KIF2A: variants seen among roughly 807,000 people sequenced by gnomAD.
KIF2A encodes the protein kinesin-like protein KIF2A.
KIF2A carries 22 observed loss-of-function variants against 100.2 expected under a neutral mutation model. The ratio of observed to expected loss-of-function variants is 0.22; its 90% CI spans 0.16 to 0.31. The LOEUF (loss-of-function observed/expected upper bound fraction) is 0.31, where lower values mean the gene tolerates loss of function less well. Ranked by LOEUF, KIF2A falls within the 10% of genes least tolerant of loss-of-function variation. The pLI, the probability that KIF2A is intolerant of heterozygous loss-of-function variation, is 1.00. For missense variants in KIF2A, 495 were observed against 898.7 expected, an observed-to-expected ratio of 0.55 and a Z score of 5.74; for synonymous variants, 268 against 285.9, an observed-to-expected ratio of 0.94 and a Z score of 0.63.
chr5:62,379,035 G>A (rs550551531), intron 19 of KIF2A, among the ~76,000 whole-genome samples: 1 of 152,228 alleles, frequency 6.6e-6, no homozygotes, highest in South Asian at 2.1e-4. Flanking sequence ...CAGCACTTTG[G>A]GAGGCCAGGG....
chr5:62,390,850 A>G lies in KIF2A; in HGVS notation c.*5281A>G. 6.3e-7 allele frequency: 1 copy of G among 1,584,988 alleles called. No homozygotes were observed. Among genetic ancestry groups the G allele is most frequent in the Non-Finnish European group, 8.7e-7 (1 of 1,155,312 alleles). On this transcript the variant is annotated 3_prime_UTR_variant, in exon 21 of 21. Coordinates refer to ENST00000407818, the MANE Select transcript of KIF2A (RefSeq NM_001098511.3). The stretch of plus-strand genomic sequence containing the variant: ...GGTGTCACAGTAAAGAAATGTAAAC[A>G]CTTAGGAAAACAAAAATGTAATTAC...
intron 1 of KIF2A, among the ~76,000 whole-genome samples, chr5:62,331,037 A>G (rs1746610370): frequency 6.6e-6 from 1 of 152,240 alleles, no homozygotes; most frequent in Admixed American, 6.5e-5. Context: ...AGCCATTATA[A>G]ACAATCTTAT....
At position 62,308,316 on chromosome 5, in the gene KIF2A, C is replaced by T. The variant is rs1398945743; in HGVS notation, c.64+1780C>T. 5.0e-6 allele frequency: 7 copies of T among 1,388,542 alleles called. No homozygotes were observed. The Admixed American group carries it at 1.2e-4, about 23-fold the overall frequency. 86.0% of individuals were successfully genotyped at this position (1,388,542 alleles called of 1,614,324 possible). ...TTAATGTCATTTTTTTAGGTAAATA[C>T]GAGTTCACAGTATACCAGCAAAAGT... On this transcript the variant is annotated intron_variant, in intron 1 of 20. Transcript: ENST00000407818.
chr5:62,308,643 G>A, intron 1 of KIF2A: 1 of 681,024 alleles, frequency 1.5e-6, no homozygotes, highest in Admixed American at 2.1e-5. Flanking sequence ...TGGACCTGAA[G>A]GACGTTATGT....
In KIF2A at chr5:62,386,996, T is replaced by G. The variant is rs1274730802; in HGVS notation, c.*1427T>G. Among the ~76,000 whole-genome samples, 1 of 152,194 alleles carries G rather than the reference T, an allele frequency of 6.6e-6. No homozygotes were observed. The highest frequency in any genetic ancestry group is 2.4e-5 in the African/African-American group (1 of 41,440). ...TTATTTACTCCAGGGAACTATCAGC[T>G]CCTTCACAGGAGCCAAAGGGGAGCT... On this transcript the variant is annotated 3_prime_UTR_variant, in exon 21 of 21. Transcript: ENST00000407818.
rs1005965636 is a variant in KIF2A at position 62,357,765 on chromosome 5, C to G, written c.709+20C>G. On this transcript the variant is annotated intron_variant, in intron 8 of 20. Coordinates refer to ENST00000407818, the MANE Select transcript of KIF2A (RefSeq NM_001098511.3). ...AAAAAGGTATGGCACTTAATGAGCT[C>G]TAATAAAAGATTGATTTTATCTTAT... The G allele has an allele frequency of 7.2e-7, 1 of 1,387,688 alleles. No homozygotes were observed. The highest frequency in any genetic ancestry group is 1.8e-5 in the Admixed American group (1 of 55,342). The allele number at this position is 1,387,688 out of a possible 1,614,324, so 86.0% of individuals were successfully genotyped here.
At chr5:62,383,468 C>T (rs1415516313) in intron 20 of KIF2A, among the ~76,000 whole-genome samples, 1 of 151,792 alleles carries the variant, frequency 6.6e-6, no homozygotes, top group Non-Finnish European at 1.5e-5. Context: ...TGGTCTCGAT[C>T]TCCTGACCTT....
chr5:62,355,324 T>C, intron 7 of KIF2A, 70 bp downstream of exon 7: 1 of 784,698 alleles, frequency 1.3e-6, no homozygotes, highest in Non-Finnish European at 2.2e-6. Context: ...TGACACTTGC[T>C]AAATTCATAT....
chr5:62,322,154 T>G (rs1034017494), intron 1 of KIF2A, among the ~76,000 whole-genome samples: 5 of 152,100 alleles, frequency 3.3e-5, no homozygotes, highest in African/African-American at 1.2e-4. Flanking sequence ...CTGGTCAGAC[T>G]CCTGGGCTCA....
At chr5:62,337,235 C>T (rs1027225946) in intron 1 of KIF2A, among the ~76,000 whole-genome samples, 1 of 152,074 alleles carries the variant, frequency 6.6e-6, no homozygotes, top group African/African-American at 2.4e-5. Flanking sequence ...CTCATGGCTG[C>T]AATCCCAGCA....
intron 7 of KIF2A, among the ~76,000 whole-genome samples, chr5:62,356,760 A>T (rs896794782): frequency 6.6e-6 from 1 of 151,474 alleles, no homozygotes; most frequent in East Asian, 1.9e-4. Flanking sequence ...TGTTGTGTAT[A>T]GCACATCTTG....
At chr5:62,354,794 T>C (rs1271086935) in intron 6 of KIF2A, among the ~76,000 whole-genome samples, 1 of 152,174 alleles carries the variant, frequency 6.6e-6, no homozygotes, top group Non-Finnish European at 1.5e-5. Flanking sequence ...TCTAGAGTTA[T>C]TTGCCAGTGG....
intron 1 of KIF2A, chr5:62,308,597 TAAAA>T: frequency 1.4e-6 from 1 of 700,498 alleles, no homozygotes; most frequent in South Asian, 1.5e-5. Flanking sequence ...TATTCAGCCT[TAAAA>T]AAGGAGATCC....
rs1742109929 is a variant in KIF2A at position 62,387,828 on chromosome 5, A to T, written c.*2259A>T. The T allele has an allele frequency of 6.6e-6, 1 of 152,172 alleles. No homozygotes were observed. Among genetic ancestry groups the T allele is most frequent in the Admixed American group, 6.5e-5 (1 of 15,274 alleles). The allele number at this position is 152,172 out of a possible 1,614,324, so 9.4% of individuals were successfully genotyped here. A position where few individuals can be genotyped will look rare whatever the true frequency, so the allele number is the denominator to read the frequency against. ...CTTTGTTCTGGATTATACATTAAGA[A>T]CAAGCATTATTTTAATTATGTAGTA... On this transcript the variant is annotated 3_prime_UTR_variant, in exon 21 of 21. Coordinates refer to ENST00000407818, the MANE Select transcript of KIF2A (RefSeq NM_001098511.3).
At chr5:62,371,825 T>C (rs975832872) in intron 16 of KIF2A, among the ~76,000 whole-genome samples, 3 of 152,218 alleles carry the variant, frequency 2.0e-5, no homozygotes, top group South Asian at 2.1e-4. Flanking sequence ...CTATTGAAGA[T>C]GTTAGCAAAA....
chr5:62,386,348 C>G lies in KIF2A; in HGVS notation c.*779C>G, dbSNP rs1306910848. The G allele has an allele frequency of 2.0e-5, 3 of 152,356 alleles. No individual in the cohort carries two copies. The highest frequency in any genetic ancestry group is 1.3e-4 in the Admixed American group (2 of 15,268). 9.4% of individuals were successfully genotyped at this position (152,356 alleles called of 1,614,324 possible). ...TCTTTGTAAAGAACTACAATATAAACTAGTTGGTGTATAATAAAAAGTAAT... is the reference window on the plus strand; with the variant it reads ...TCTTTGTAAAGAACTACAATATAAAGTAGTTGGTGTATAATAAAAAGTAAT... On this transcript the variant is annotated 3_prime_UTR_variant, in exon 21 of 21. Transcript: ENST00000407818.
chr5:62,319,244 T>C (rs1329834767), intron 1 of KIF2A, among the ~76,000 whole-genome samples: 1 of 152,230 alleles, frequency 6.6e-6, no homozygotes, highest in Non-Finnish European at 1.5e-5. Flanking sequence ...CTTTCAGGCA[T>C]GTAGGTTTGA....
chr5:62,365,946 CTCTGCAGCACTT>C, intron 15 of KIF2A, among the ~76,000 whole-genome samples: 1 of 152,120 alleles, frequency 6.6e-6, no homozygotes, highest in East Asian at 1.9e-4. Context: ...GTACCACACT[CTCTGCAGCACTT>C]TCCCTTCTGG....
At chr5:62,371,704 C>T (rs1443892204) in intron 16 of KIF2A, among the ~76,000 whole-genome samples, 1 of 152,072 alleles carries the variant, frequency 6.6e-6, no homozygotes, top group Non-Finnish European at 1.5e-5. Flanking sequence ...ACCTGACATA[C>T]AGGAGGTACT....
Sources: gnomAD v4.1 joint callset for allele counts (sites outside exome capture counted in the v4.1 genomes callset) on GRCh38, gnomAD v4.1.1 for gene constraint, MANE v1.5 for transcripts, NCBI Gene and HGNC (gene_info 2026-07-23, HGNC 2026-07-21) for gene names.